Variants in ST7 observed in about 807,000 individuals in gnomAD.
The protein encoded by ST7 is suppressor of tumorigenicity 7 protein.
A neutral mutation model predicts 78.7 loss-of-function variants in ST7; 28 were observed. The ratio of observed to expected loss-of-function variants is 0.36; its 90% confidence interval spans 0.26 to 0.49. The LOEUF is 0.49. Ranked by LOEUF, ST7 falls within the 20% of genes least tolerant of loss-of-function variation. The pLI, the probability that ST7 is intolerant of heterozygous loss-of-function variation, is 0.99. For synonymous variants in ST7, 247 were observed against 249.6 expected, an observed-to-expected ratio of 0.99 and a Z score of 0.10; for missense variants, 418 against 696.0, an observed-to-expected ratio of 0.60 and a Z score of 4.49.
At chr7:116,961,580 G>A (rs972424652) in intron 1 of ST7, among the ~76,000 whole-genome samples, 1 of 151,520 alleles carries the variant, frequency 6.6e-6, no homozygotes, top group African/African-American at 2.4e-5. Context: ...GTGTGTGTGT[G>A]TGTGTGTGTG....
chr7:117,224,198 C>T (rs188392907), intron 15 of ST7, among the ~76,000 whole-genome samples: 1 of 152,272 alleles, frequency 6.6e-6, no homozygotes, highest in African/African-American at 2.4e-5. Flanking sequence ...TCCACTTATT[C>T]CTATTCTATA....
chr7:117,103,100 G>C (rs1225880760), intron 2 of ST7, among the ~76,000 whole-genome samples: 1 of 152,096 alleles, frequency 6.6e-6, no homozygotes, highest in Non-Finnish European at 1.5e-5. Flanking sequence ...AAAATGGAAA[G>C]ATATTTTGTG....
At chr7:117,080,433 TATAGATA>T (rs1799684376) in intron 1 of ST7, among the ~76,000 whole-genome samples, 1 of 152,194 alleles carries the variant, frequency 6.6e-6, no homozygotes, top group Non-Finnish European at 1.5e-5. Context: ...TATTCTATCA[TATAGATA>T]TTTAATATTT....
At chr7:117,027,007 A>G (rs577839436) in intron 1 of ST7, among the ~76,000 whole-genome samples, 32 of 152,392 alleles carry the variant, frequency 2.1e-4, no homozygotes, top group African/African-American at 7.7e-4. Context: ...TTGATTGGTC[A>G]TGACACTCTT....
intron 1 of ST7, among the ~76,000 whole-genome samples, chr7:117,052,904 AAAAC>A (rs936032263): frequency 1.3e-4 from 20 of 152,288 alleles, no homozygotes; most frequent in East Asian, 7.7e-4. Flanking sequence ...AAAAAACAAA[AAAAC>A]AAACAAACAA....
At chr7:117,189,680 G>A (rs1322246167) in intron 11 of ST7, among the ~76,000 whole-genome samples, 1 of 146,554 alleles carries the variant, frequency 6.8e-6, no homozygotes, top group African/African-American at 2.7e-5. Context: ...CACCTGCTTG[G>A]GACTTAACAC....
chr7:117,006,891 G>A (rs186407021), intron 1 of ST7, among the ~76,000 whole-genome samples: 2 of 152,212 alleles, frequency 1.3e-5, no homozygotes, highest in East Asian at 3.9e-4. Context: ...GTTGTTTTGG[G>A]GTGCCGCAAA....
intron 4 of ST7, among the ~76,000 whole-genome samples, chr7:117,130,271 A>G (rs945617172): frequency 1.3e-5 from 2 of 151,932 alleles, no homozygotes; most frequent in Admixed American, 6.6e-5. Context: ...GGGCTAGTAA[A>G]TTTTAAGACA....
At position 117,134,134 on chromosome 7, in the gene ST7, A is replaced by G; in HGVS notation, c.652A>G (p.Arg218Gly). Residue 218 changes from arginine (R) to glycine (G), a missense_variant, in exon 7 of 16, where the codon AGA (arginine) becomes GGA (glycine). By Grantham distance (125) the Arg-to-Gly change is moderately radical. Transcript: ENST00000323984. ...EALEINEIRS[R>G]VEVPLIASST... Reference sequence around the variant, plus strand: ...TTTCTTCTTGGTCAGAATTAGGTCCAGAGTTGAAGTTCCCCTAATTGCTTC... The same window carrying G: ...TTTCTTCTTGGTCAGAATTAGGTCCGGAGTTGAAGTTCCCCTAATTGCTTC... 1 of 1,611,870 alleles carries G rather than the reference A, an allele frequency of 6.2e-7. No homozygotes were observed. The highest frequency in any genetic ancestry group is 8.5e-7 in the Non-Finnish European group (1 of 1,178,708).
intron 2 of ST7, among the ~76,000 whole-genome samples, chr7:117,116,224 A>G (rs1002364841): frequency 6.6e-6 from 1 of 152,206 alleles, no homozygotes; most frequent in Admixed American, 6.5e-5. Flanking sequence ...AGACTATGAA[A>G]TGCATATTTA....
chr7:117,123,214 T>C (rs1384722983), intron 3 of ST7, among the ~76,000 whole-genome samples: 1 of 152,172 alleles, frequency 6.6e-6, no homozygotes, highest in Non-Finnish European at 1.5e-5. Context: ...AGGGGAAATA[T>C]CAGTTATAAA....
chr7:117,064,767 C>T (rs1238156081), intron 1 of ST7, among the ~76,000 whole-genome samples: 2 of 152,120 alleles, frequency 1.3e-5, no homozygotes, highest in Non-Finnish European at 1.5e-5. Flanking sequence ...GTTTGCTTCC[C>T]AGAGATGTGT....
At chr7:117,223,108 C>T in intron 15 of ST7, 2 of 673,296 alleles carry the variant, frequency 3.0e-6, no homozygotes, top group Non-Finnish European at 5.4e-6. Flanking sequence ...TCTCACTCCC[C>T]ACATCCCATC....
At chr7:116,970,168 G>A (rs1002942073) in intron 1 of ST7, among the ~76,000 whole-genome samples, 3 of 152,292 alleles carry the variant, frequency 2.0e-5, no homozygotes, top group East Asian at 3.9e-4. Context: ...GGTAGGCCCT[G>A]TTTGGAGGCT....
At chr7:117,053,581 C>T (rs535092281) in intron 1 of ST7, among the ~76,000 whole-genome samples, 4 of 152,216 alleles carry the variant, frequency 2.6e-5, no homozygotes, top group African/African-American at 9.6e-5. Flanking sequence ...CATCCCAGCC[C>T]TCCACTGTGC....
intron 12 of ST7, among the ~76,000 whole-genome samples, chr7:117,201,670 C>T (rs1810867298): frequency 6.6e-6 from 1 of 151,890 alleles, no homozygotes; most frequent in African/African-American, 2.4e-5. Context: ...GCAATCCTCC[C>T]ACCTCAGCCT....
chr7:117,050,879 G>A (rs1236236251), intron 1 of ST7, among the ~76,000 whole-genome samples: 5 of 150,166 alleles, frequency 3.3e-5, no homozygotes, highest in Non-Finnish European at 5.9e-5. Context: ...GCAGTGAGCC[G>A]AGATCGAGCA....
intron 13 of ST7, among the ~76,000 whole-genome samples, chr7:117,217,997 G>A (rs1228075371): frequency 6.6e-6 from 1 of 152,178 alleles, no homozygotes; most frequent in East Asian, 1.9e-4. Context: ...GTCATTTCTT[G>A]TGAGGGAGAA....
chr7:117,136,227 C>T lies in ST7; in HGVS notation c.857C>T (p.Ala286Val). 6.2e-7 allele frequency: 1 copy of T among 1,613,592 alleles called. No homozygotes were observed. Among genetic ancestry groups the T allele is most frequent in the Non-Finnish European group, 8.5e-7 (1 of 1,179,690 alleles). ...QLQHHGSQYE[A>V]QHRRDTNVLV... Reference sequence around the variant, plus strand: ...CAACATCATGGATCCCAGTATGAAGCCCAACATAGTAAGGTTTCCTGCAGG... The same window carrying T: ...CAACATCATGGATCCCAGTATGAAGTCCAACATAGTAAGGTTTCCTGCAGG... Residue 286 changes from alanine to valine, a missense_variant, in exon 8 of 16, where the codon GCC becomes GTC. Coordinates refer to ENST00000323984, the MANE Select transcript of ST7 (RefSeq NM_001369598.1).
Sources: allele counts gnomAD v4.1 joint callset (sites outside exome capture counted in the v4.1 genomes callset), GRCh38; gene constraint gnomAD v4.1.1; transcripts MANE v1.5; gene names NCBI Gene and HGNC (gene_info 2026-07-23, HGNC 2026-07-21).